The following CDYL2 variants were observed in gnomAD, a reference collection of about 807,000 sequenced individuals.
CDYL2 encodes the protein chromodomain Y-like protein 2.
In CDYL2, 23 loss-of-function variants were observed where a neutral mutation model predicts 49.4. The ratio of observed to expected loss-of-function variants is 0.47; its 90% CI spans 0.34 to 0.66. The LOEUF is 0.66. Among genes scored for constraint, CDYL2 ranks in the 30% least tolerant of loss-of-function variants. The probability of loss-of-function intolerance (pLI) is 0.01; values close to 1 mark genes in which losing one functional copy is unlikely to be tolerated. For synonymous variants in CDYL2, 360 were observed against 268.8 expected (o/e 1.34, Z -3.32); for missense variants, 678 against 656.4 (o/e 1.03, Z -0.36).
chr16:80,681,420 C>T (rs774709128), intron 2 of CDYL2, among the ~76,000 whole-genome samples: 1 of 152,110 alleles, frequency 6.6e-6, no homozygotes, highest in South Asian at 2.1e-4. Flanking sequence ...GCAAAGCTTC[C>T]CTCTGGCTGA....
intron 1 of CDYL2, among the ~76,000 whole-genome samples, chr16:80,762,217 C>T (rs10871396): frequency 0.1 from 15,176 of 152,030 alleles, 839 homozygotes; most frequent in African/African-American, 0.13. Flanking sequence ...AAAACAAAGG[C>T]TACATCTATT....
At chr16:80,781,877 A>G (rs914668298) in intron 1 of CDYL2, among the ~76,000 whole-genome samples, 2 of 152,114 alleles carry the variant, frequency 1.3e-5, no homozygotes, top group Non-Finnish European at 2.9e-5. Context: ...CTAATACTGC[A>G]ATATTTATGA....
At chr16:80,676,041 G>A (rs1567566453) in intron 2 of CDYL2, among the ~76,000 whole-genome samples, 1 of 152,104 alleles carries the variant, frequency 6.6e-6, no homozygotes, top group South Asian at 2.1e-4. Flanking sequence ...GGAGCCAAGC[G>A]GGGAGAATCG....
chr16:80,760,959 C>A (rs1387586842), intron 1 of CDYL2, among the ~76,000 whole-genome samples: 1 of 152,040 alleles, frequency 6.6e-6, no homozygotes, highest in Admixed American at 6.6e-5. Context: ...GTGACAAAAA[C>A]CAAATTATTA....
chr16:80,635,961 G>A (rs1383652727), intron 2 of CDYL2, among the ~76,000 whole-genome samples: 5 of 152,128 alleles, frequency 3.3e-5, no homozygotes, highest in Non-Finnish European at 7.3e-5. Flanking sequence ...CAAGCAATGG[G>A]GAAAGGATTC....
intron 3 of CDYL2, among the ~76,000 whole-genome samples, chr16:80,624,138 G>A (rs1431616323): frequency 6.6e-6 from 1 of 152,110 alleles, no homozygotes. Flanking sequence ...ATGTCTCTTG[G>A]GTGCCTGGTA....
In CDYL2 at chr16:80,804,416, C is replaced by A; in HGVS notation, c.-243G>T. 1 of 159,024 alleles carries A rather than the reference C, an allele frequency of 6.3e-6. No individual in the cohort carries two copies. Among genetic ancestry groups the A allele is most frequent in the African/African-American group, 2.5e-5 (1 of 40,786 alleles). 9.9% of individuals were successfully genotyped at this position (159,024 alleles called of 1,614,324 possible). A position where few individuals can be genotyped will look rare whatever the true frequency, so the allele number is the denominator to read the frequency against. ...GCAGCGGCGGCGGCGGCGGCGGCGGCACGAGCGCGGGCAGCAGCGACGGCC... is the reference window on the plus strand; with the variant it reads ...GCAGCGGCGGCGGCGGCGGCGGCGGAACGAGCGCGGGCAGCAGCGACGGCC... On this transcript the variant is annotated 5_prime_UTR_variant, in exon 1 of 7. Transcript: ENST00000570137.
chr16:80,803,466 G>A (rs114094868), intron 1 of CDYL2, among the ~76,000 whole-genome samples: 2,689 of 151,872 alleles, frequency 0.018, 81 homozygotes, highest in African/African-American at 0.062. Context: ...CACGACACCC[G>A]CAAGGGCCAC....
chr16:80,803,791 C>G (rs1355737353), intron 1 of CDYL2, among the ~76,000 whole-genome samples: 1 of 144,684 alleles, frequency 6.9e-6, no homozygotes, highest in Non-Finnish European at 1.5e-5. Context: ...ACTTTCTGTA[C>G]TCGAGGCGGC....
At chr16:80,785,324 A>G (rs1907399015) in intron 1 of CDYL2, among the ~76,000 whole-genome samples, 2 of 152,240 alleles carry the variant, frequency 1.3e-5, no homozygotes, top group South Asian at 4.1e-4. Flanking sequence ...CCAATAACAG[A>G]CAAACAGAGA....
At chr16:80,605,627 AT>A (rs1456568273) in intron 6 of CDYL2, among the ~76,000 whole-genome samples, 1 of 151,378 alleles carries the variant, frequency 6.6e-6, no homozygotes, top group Non-Finnish European at 1.5e-5. Flanking sequence ...AATCATAGTA[AT>A]AGTCTTAGTA....
At chr16:80,728,309 T>C (rs1347317005) in intron 1 of CDYL2, among the ~76,000 whole-genome samples, 1 of 151,966 alleles carries the variant, frequency 6.6e-6, no homozygotes, top group Non-Finnish European at 1.5e-5. Flanking sequence ...TGCAGAAGCC[T>C]CAGGAGCCGA....
intron 1 of CDYL2, among the ~76,000 whole-genome samples, chr16:80,767,500 C>T (rs185107933): frequency 1.6e-3 from 240 of 152,190 alleles, no homozygotes; most frequent in Middle Eastern, 0.014. Context: ...ACTTCATTTA[C>T]GAAAAATGAA....
intron 1 of CDYL2, among the ~76,000 whole-genome samples, chr16:80,782,331 A>G (rs1391650537): frequency 1.3e-5 from 2 of 151,938 alleles, no homozygotes; most frequent in Admixed American, 6.6e-5. Flanking sequence ...ACATGTAAGG[A>G]GATTGAATCA....
intron 2 of CDYL2, among the ~76,000 whole-genome samples, chr16:80,645,951 C>G (rs1394625433): frequency 1.6e-5 from 2 of 124,256 alleles, no homozygotes; most frequent in Non-Finnish European, 3.1e-5. Context: ...CACTTGGACA[C>G]AGGAAGGGGA....
chr16:80,641,969 A>G (rs192320499), intron 2 of CDYL2, among the ~76,000 whole-genome samples: 230 of 152,292 alleles, frequency 1.5e-3, no homozygotes, highest in African/African-American at 5.0e-3. Context: ...GCAAGTTCAC[A>G]GAAAAAAACG....
chr16:80,748,907 A>G (rs1597114052), intron 1 of CDYL2, among the ~76,000 whole-genome samples: 2 of 152,204 alleles, frequency 1.3e-5, no homozygotes, highest in African/African-American at 4.8e-5. Flanking sequence ...TCCATCAAAA[A>G]AAGAAAAGTC....
chr16:80,669,165 A>C (rs1426209650), intron 2 of CDYL2, among the ~76,000 whole-genome samples: 2 of 151,956 alleles, frequency 1.3e-5, no homozygotes, highest in East Asian at 3.9e-4. Context: ...AAGCAAAAGT[A>C]AAGGAGAAGA....
chr16:80,704,761 T>G (rs1904346052), intron 1 of CDYL2, among the ~76,000 whole-genome samples: 1 of 152,154 alleles, frequency 6.6e-6, no homozygotes, highest in Non-Finnish European at 1.5e-5. Context: ...ATGTGGCCAG[T>G]GGTCAGCGTG....
Sources: allele counts gnomAD v4.1 joint callset (sites outside exome capture counted in the v4.1 genomes callset), GRCh38; gene constraint gnomAD v4.1.1; transcripts MANE v1.5; gene names NCBI Gene and HGNC (gene_info 2026-07-23, HGNC 2026-07-21).